TRMT1L: variants seen among roughly 807,000 people sequenced by gnomAD.
The protein encoded by TRMT1L is tRNA methyltransferase 1L.
TRMT1L carries 28 observed loss-of-function variants against 81.6 expected under a neutral mutation model. The ratio of observed to expected loss-of-function variants is 0.34; its 90% CI spans 0.25 to 0.47. The LOEUF is 0.47. TRMT1L is among the 20% of genes least tolerant of loss of function. The pLI, the probability that TRMT1L is intolerant of heterozygous loss-of-function variation, is 1.00. For synonymous variants in TRMT1L, 301 were observed against 303.2 expected (o/e 0.99, Z 0.07); for missense variants, 739 against 877.1 (o/e 0.84, Z 1.99).
At position 185,143,958 on chromosome 1, in the gene TRMT1L, A is replaced by G. The variant is rs1031912156; in HGVS notation, c.727T>C (p.Ser243Pro). ...TAGGAATCTGTTTTCTGAGGTATAG[A>G]ATAGTTGGGACAAACTTGTACATCC... is the stretch of plus-strand genomic sequence containing the variant. ...DTDVQVCPNYSIPQKTDSYFN... is the reference protein window; with the variant it reads ...DTDVQVCPNYPIPQKTDSYFN... The change falls in exon 6 of 15, where the codon TCT becomes CCT. Residue 243 changes from serine (S) to proline (P), a missense_variant. Physicochemically the swap from Ser to Pro is moderately conservative, Grantham distance 74. This residue lies in a region of TRMT1L where 331 missense variants were observed against 462.2 expected (regional missense o/e 0.72). Coordinates refer to ENST00000367506, the MANE Select transcript of TRMT1L (RefSeq NM_030934.5). 2 of 1,610,990 alleles carry G rather than the reference A, an allele frequency of 1.2e-6. No homozygotes were observed. The highest frequency in any genetic ancestry group is 1.1e-5 in the South Asian group (1 of 90,802).
At chr1:185,152,981 A>C (rs1653404368) in intron 1 of TRMT1L, among the ~76,000 whole-genome samples, 1 of 152,180 alleles carries the variant, frequency 6.6e-6, no homozygotes, top group Admixed American at 6.5e-5. Flanking sequence ...TATGAGAATA[A>C]ATAAGAAAGC....
chr1:185,120,541 C>T (rs1652474146), intron 13 of TRMT1L, 32 bp from the exon 14 acceptor site: 21 of 1,497,218 alleles, frequency 1.4e-5, no homozygotes, highest in Admixed American at 2.3e-5. Flanking sequence ...TTAGCATGCT[C>T]TTAAAAATTA....
chr1:185,151,233 AT>A (rs374763311), intron 2 of TRMT1L, among the ~76,000 whole-genome samples: 5 of 152,114 alleles, frequency 3.3e-5, no homozygotes, highest in Non-Finnish European at 5.9e-5. Context: ...TCATTTAGTA[AT>A]TTTTTTCTTT....
At chr1:185,123,218 C>T (rs888675984) in intron 13 of TRMT1L, among the ~76,000 whole-genome samples, 3 of 152,138 alleles carry the variant, frequency 2.0e-5, no homozygotes, top group African/African-American at 7.2e-5. Flanking sequence ...AAAATTACAG[C>T]TGATAACTAA....
At chr1:185,151,093 T>G (rs1653332290) in intron 2 of TRMT1L, among the ~76,000 whole-genome samples, 1 of 152,218 alleles carries the variant, frequency 6.6e-6, no homozygotes, top group Non-Finnish European at 1.5e-5. Context: ...AGATTATGTA[T>G]CATAAAAATG....
At chr1:185,138,209 T>C (rs138145229) in intron 9 of TRMT1L, among the ~76,000 whole-genome samples, 180 of 152,280 alleles carry the variant, frequency 1.2e-3, no homozygotes, top group African/African-American at 3.9e-3. Context: ...CTACTGAAAA[T>C]TGAGTGAAAA....
chr1:185,139,360 T>G lies in TRMT1L; in HGVS notation c.1322+7A>C. ...ACACACTAAGTACACTGTTGGCAAT[T>G]TGGTACCTTGCCACTGCAGCTACAA... On this transcript the variant is annotated splice_region_variant and intron_variant, in intron 9 of 14. Transcript: ENST00000367506. 1.2e-6 allele frequency: 2 copies of G among 1,609,880 alleles called. No individual in the cohort carries two copies. The highest frequency in any genetic ancestry group is 1.7e-6 in the Non-Finnish European group (2 of 1,176,904).
chr1:185,153,688 C>G (rs1340525680), intron 1 of TRMT1L, among the ~76,000 whole-genome samples: 1 of 151,836 alleles, frequency 6.6e-6, no homozygotes, highest in African/African-American at 2.4e-5. Flanking sequence ...TATGGGGAAC[C>G]TGAATATATG....
chr1:185,150,718 G>A (rs562949687), intron 2 of TRMT1L, among the ~76,000 whole-genome samples: 1 of 152,232 alleles, frequency 6.6e-6, no homozygotes, highest in East Asian at 1.9e-4. Flanking sequence ...TGTAGCTAGT[G>A]GATGCATTTG....
rs915939706 is a variant in TRMT1L at position 185,119,687 on chromosome 1, G to C, written c.*332C>G. ...TTAGGCAGAGATGTGATTAAGAATTGTAAAAGATGGCTTTCATAACATACA... is the reference window on the plus strand; with the variant it reads ...TTAGGCAGAGATGTGATTAAGAATTCTAAAAGATGGCTTTCATAACATACA... On this transcript the variant is annotated 3_prime_UTR_variant, in exon 15 of 15. Transcript: ENST00000367506. 3.1e-5 allele frequency: 6 copies of C among 196,624 alleles called. No individual in the cohort carries two copies. The highest frequency in any genetic ancestry group is 1.2e-4 in the African/African-American group (5 of 43,140). The allele number at this position is 196,624 out of a possible 1,614,324, so 12.2% of individuals were successfully genotyped here.
At chr1:185,155,055 T>C (rs1353857737) in intron 1 of TRMT1L, among the ~76,000 whole-genome samples, 1 of 152,268 alleles carries the variant, frequency 6.6e-6, no homozygotes, top group African/African-American at 2.4e-5. Context: ...TTAATATATG[T>C]ATTAGTTCTA....
rs1652452606 is a variant in TRMT1L, at chr1:185,119,842, T to C, written c.*177A>G. On this transcript the variant is annotated 3_prime_UTR_variant, in exon 15 of 15. Transcript: ENST00000367506. ...AGTTTGCCTTAAAACAAAAAAAAAC[T>C]TGGAAAGCAAAGCTCCCAAACCAGC... is the stretch of plus-strand genomic sequence containing the variant. 2.7e-6 allele frequency: 2 copies of C among 730,170 alleles called. No homozygotes were observed. The highest frequency in any genetic ancestry group is 4.1e-6 in the Non-Finnish European group (2 of 491,004). 45.2% of individuals were successfully genotyped at this position (730,170 alleles called of 1,614,324 possible). A position where few individuals can be genotyped will look rare whatever the true frequency, so the allele number is the denominator to read the frequency against.
chr1:185,144,141 T>C, intron 5 of TRMT1L, 112 bp from the exon 6 acceptor site: 1 of 1,117,224 alleles, frequency 9.0e-7, no homozygotes, highest in Non-Finnish European at 1.2e-6. Context: ...AATATACATT[T>C]TGAAAAATAA....
intron 12 of TRMT1L, 106 bp from the exon 13 acceptor site, chr1:185,124,025 G>A (rs569604065): frequency 4.4e-5 from 27 of 611,934 alleles, no homozygotes; most frequent in South Asian, 2.3e-4. Context: ...CTATTTTCAC[G>A]AATATGCAAG....
At position 185,147,342 on chromosome 1, in the gene TRMT1L, C is replaced by T. The variant is rs943529953; in HGVS notation, c.461-96G>A. ...TTTTATTTTATAAGAATTGGTATTA[C>T]CCTTACATTTGTAATGTCATAATTA... On this transcript the variant is annotated intron_variant, in intron 3 of 14. Coordinates refer to ENST00000367506, the MANE Select transcript of TRMT1L (RefSeq NM_030934.5). 40 of 870,868 alleles carry T rather than the reference C, an allele frequency of 4.6e-5. No individual in the cohort carries two copies. In the Middle Eastern group the frequency reaches 8.2e-4, roughly 18 times the overall value. The allele number at this position is 870,868 out of a possible 1,614,324, so 53.9% of individuals were successfully genotyped here.
At position 185,119,296 on chromosome 1, in the gene TRMT1L, A is replaced by G. The variant is rs1352852651; in HGVS notation, c.*723T>C. 6.6e-6 allele frequency: 1 copy of G among 152,156 alleles called. No homozygotes were observed. Among genetic ancestry groups the G allele is most frequent in the Non-Finnish European group, 1.5e-5 (1 of 68,008 alleles). The allele number at this position is 152,156 out of a possible 1,614,324, so 9.4% of individuals were successfully genotyped here. A position where few individuals can be genotyped will look rare whatever the true frequency, so the allele number is the denominator to read the frequency against. ...ACCCAACCTTTTTAATTTATAACCA[A>G]ATCTCTCCTCTTCAGGATTTCAGTG... On this transcript the variant is annotated 3_prime_UTR_variant, in exon 15 of 15. Transcript: ENST00000367506.
intron 10 of TRMT1L, among the ~76,000 whole-genome samples, chr1:185,130,338 G>A (rs978948545): frequency 2.6e-5 from 4 of 151,828 alleles, no homozygotes; most frequent in African/African-American, 9.7e-5. Flanking sequence ...GTCTCTTAAC[G>A]CTTAAATGAC....
At chr1:185,125,970 A>C (rs1370657544) in intron 11 of TRMT1L, among the ~76,000 whole-genome samples, 1 of 152,208 alleles carries the variant, frequency 6.6e-6, no homozygotes, top group Non-Finnish European at 1.5e-5. Context: ...GGTATGGTTC[A>C]GAAATAGTCT....
Position 185,143,385 on chromosome 1 carries a change from C to T in TRMT1L, c.831G>A (p.Leu277=). ...TGGCTCCAAAAGCATCTAGACATTC[C>T]AAAGGTTTTCGTTCCTCAGCCAAAG... ...LAALAEERKP[L]ECLDAFGATG... Residue 277 remains leucine, a synonymous_variant, in exon 7 of 15, where the codon TTG becomes TTA. Coordinates refer to ENST00000367506, the MANE Select transcript of TRMT1L (RefSeq NM_030934.5). The T allele has an allele frequency of 1.9e-6, 3 of 1,609,606 alleles. No individual in the cohort carries two copies. The highest frequency in any genetic ancestry group is 2.5e-6 in the Non-Finnish European group (3 of 1,177,534).
Sources: allele counts gnomAD v4.1 joint callset (sites outside exome capture counted in the v4.1 genomes callset), GRCh38; gene constraint gnomAD v4.1.1; regional missense constraint gnomAD v4.1.1; transcripts MANE v1.5; gene names NCBI Gene and HGNC (gene_info 2026-07-23, HGNC 2026-07-21).